Variants in CINP observed in about 807,000 individuals in gnomAD.
CINP encodes the protein cyclin-dependent kinase 2-interacting protein.
A neutral mutation model predicts 20.5 loss-of-function variants in CINP; 11 were observed. That is an observed-to-expected ratio of 0.54 (90% CI 0.34 to 0.89). The LOEUF (loss-of-function observed/expected upper bound fraction) is 0.89, where lower values mean the gene tolerates loss of function less well. CINP is among the 40% of genes least tolerant of loss of function. The pLI, the probability that CINP is intolerant of heterozygous loss-of-function variation, is 0.02. For synonymous variants in CINP, 108 were observed against 102.1 expected (o/e 1.06, Z -0.35); for missense variants, 213 against 251.0 (o/e 0.85, Z 1.02).
At position 102,355,441 on chromosome 14, in the gene CINP, G is replaced by A. The variant is rs1886975594; in HGVS notation, c.306+327C>T. 1.5e-5 allele frequency: 3 copies of A among 195,640 alleles called. 1 individual carries two copies. In the South Asian group the frequency reaches 3.2e-4, roughly 21 times the overall value. The allele number at this position is 195,640 out of a possible 1,614,324, so 12.1% of individuals were successfully genotyped here. ...GAGACAGGAGAATCGCTTGAGCCCA[G>A]GAGGCGGAGTTTGCGGTGAGCCAAG... is the stretch of plus-strand genomic sequence containing the variant. On this transcript the variant is annotated intron_variant, in intron 3 of 4. Transcript: ENST00000216756.
chr14:102,362,609 T>C (rs1887192318), intron 1 of CINP: 2 of 710,180 alleles, frequency 2.8e-6, no homozygotes, highest in Non-Finnish European at 5.2e-6. Context: ...CTCATTTGCG[T>C]ATATCGTCCC....
chr14:102,355,772 C>T lies in CINP; in HGVS notation c.302G>A (p.Gly101Glu). ...LCEELQATLDGLTKIQVKMEK... is the reference protein window; with the variant it reads ...LCEELQATLDELTKIQVKMEK... The stretch of plus-strand genomic sequence containing the variant: ...GCCTGCGTCTTTATGTCTTACCAAC[C>T]CATCCAAGGTGGCCTGCAGTTCCTC... The change falls in exon 3 of 5, where the codon GGG becomes GAG. Residue 101 changes from glycine (G) to glutamate (E), a missense_variant. Gly to Glu is a moderately conservative substitution (Grantham distance 98). Coordinates refer to ENST00000216756, the MANE Select transcript of CINP (RefSeq NM_032630.3). 1.9e-6 allele frequency: 3 copies of T among 1,613,816 alleles called. No homozygotes were observed. The highest frequency in any genetic ancestry group is 2.5e-6 in the Non-Finnish European group (3 of 1,179,848).
chr14:102,360,369 G>A (rs1271229850), intron 1 of CINP, among the ~76,000 whole-genome samples: 3 of 151,902 alleles, frequency 2.0e-5, no homozygotes, highest in African/African-American at 7.3e-5. Context: ...GCCAACTCAG[G>A]TTGTTTGTTC....
intron 1 of CINP, among the ~76,000 whole-genome samples, chr14:102,361,874 G>A (rs192766299): frequency 1.3e-4 from 20 of 152,252 alleles, no homozygotes; most frequent in Admixed American, 6.5e-4. Flanking sequence ...AAGTATTCCT[G>A]GATCCCCCAG....
rs1289001098 is a variant in CINP at position 102,348,715 on chromosome 14, G to A, written c.481C>T (p.Leu161Phe). ...KLLEMYRKEL[L>F]LKRTVAKELA... ...TCCTTGGCCACCGTGCGCTTCAGGAGCAGCTCCTTCCTGTACATCTCCAAG... is the reference window on the plus strand; with the variant it reads ...TCCTTGGCCACCGTGCGCTTCAGGAACAGCTCCTTCCTGTACATCTCCAAG... The change falls in exon 5 of 5, where the codon CTC (leucine) becomes TTC (phenylalanine). Residue 161 changes from leucine to phenylalanine, a missense_variant. Coordinates refer to ENST00000216756, the MANE Select transcript of CINP (RefSeq NM_032630.3). The A allele has an allele frequency of 6.2e-7, 1 of 1,613,944 alleles. No individual in the cohort carries two copies. The highest frequency in any genetic ancestry group is 8.5e-7 in the Non-Finnish European group (1 of 1,179,952).
intron 1 of CINP, among the ~76,000 whole-genome samples, chr14:102,361,672 A>G (rs1396165741): frequency 6.7e-6 from 1 of 150,134 alleles, no homozygotes; most frequent in Non-Finnish European, 1.5e-5. Context: ...AAAACAAAAC[A>G]AAATAAAAAA....
intron 3 of CINP, among the ~76,000 whole-genome samples, chr14:102,353,620 A>G (rs1346687685): frequency 6.6e-6 from 1 of 152,204 alleles, no homozygotes; most frequent in South Asian, 2.1e-4. Context: ...TCTAATTAGG[A>G]GAAAAACATC....
rs145961456 is a variant in CINP at position 102,351,279 on chromosome 14, C to T, written c.307-1231G>A. ...ACGGTCCCTCAGTGTGGACCAGGCT[C>T]TGTCCTAAGCCCTGTAACTGCATGA... On this transcript the variant is annotated intron_variant, in intron 3 of 4. Coordinates refer to ENST00000216756, the MANE Select transcript of CINP (RefSeq NM_032630.3). This position sits in a 1 kb window ranked among gnomAD's most constrained non-coding sequence, Gnocchi z 4.2. 1.5e-3 allele frequency among the ~76,000 whole-genome samples: 235 copies of T among 152,344 alleles called. 1 individual carries two copies. Among genetic ancestry groups the T allele is most frequent in the African/African-American group, 5.1e-3 (214 of 41,580 alleles).
At chr14:102,357,310 A>C (rs796251720) in intron 2 of CINP, among the ~76,000 whole-genome samples, 8 of 139,982 alleles carry the variant, frequency 5.7e-5, no homozygotes, top group African/African-American at 2.1e-4. Flanking sequence ...TGAACCCGGG[A>C]GGCAGAGGTT....
chr14:102,348,897 T>C, intron 4 of CINP, 138 bp from the exon 5 acceptor site: 2 of 707,628 alleles, frequency 2.8e-6, no homozygotes, highest in Non-Finnish European at 4.8e-6. Flanking sequence ...CCCGATGGAG[T>C]TTACTACTCT....
In CINP at chr14:102,349,995, A is replaced by T; in HGVS notation, c.360T>A (p.Cys120Ter). The T allele has an allele frequency of 4.3e-6, 7 of 1,613,996 alleles. No homozygotes were observed. Among genetic ancestry groups the T allele is most frequent in the Non-Finnish European group, 5.1e-6 (6 of 1,179,872 alleles). ...CCCCATAATGGTAGTTTTCTAGTTC[A>T]CAAATTCCCTTGGTAGTTGAAGACA... is the stretch of plus-strand genomic sequence containing the variant. ...EKLSSTTKGICELENYHYGEE... is the reference protein window; with the variant it reads ...EKLSSTTKGI The change falls in exon 4 of 5, where the codon TGT becomes TGA. Residue 120 changes from cysteine (C) to a stop codon, truncating the protein, a stop_gained. Coordinates refer to ENST00000216756, the MANE Select transcript of CINP (RefSeq NM_032630.3). LOFTEE classifies it high-confidence loss of function.
chr14:102,360,840 C>G (rs894335785), intron 1 of CINP, among the ~76,000 whole-genome samples: 1 of 152,178 alleles, frequency 6.6e-6, no homozygotes, highest in Non-Finnish European at 1.5e-5. Flanking sequence ...TTTTTCCTAT[C>G]TGTGTGTGTC....
At chr14:102,353,186 G>A (rs895918911) in intron 3 of CINP, among the ~76,000 whole-genome samples, 4 of 151,260 alleles carry the variant, frequency 2.6e-5, no homozygotes, top group African/African-American at 7.3e-5. Flanking sequence ...AATCTCCCAC[G>A]CAGAATAATT....
At chr14:102,355,727 A>C (rs780869152) in intron 3 of CINP, 41 bp downstream of exon 3, 1 of 1,608,890 alleles carries the variant, frequency 6.2e-7, no homozygotes, top group South Asian at 1.1e-5. Context: ...CATCGGATTC[A>C]GTGACAGTGA....
chr14:102,361,130 G>T (rs900617942), intron 1 of CINP, among the ~76,000 whole-genome samples: 2 of 152,144 alleles, frequency 1.3e-5, no homozygotes, highest in African/African-American at 4.8e-5. Flanking sequence ...CCCTGAGAAG[G>T]TGTCGTTTAG....
At chr14:102,349,097 T>A (rs943760467) in intron 4 of CINP, among the ~76,000 whole-genome samples, 6 of 152,000 alleles carry the variant, frequency 3.9e-5, no homozygotes, top group Non-Finnish European at 8.8e-5. Flanking sequence ...TACTAAAAAA[T>A]ACAAAAACTA....
At chr14:102,350,672 A>G (rs982372006) in intron 3 of CINP, among the ~76,000 whole-genome samples, 1 of 151,846 alleles carries the variant, frequency 6.6e-6, no homozygotes, top group Non-Finnish European at 1.5e-5. Context: ...TGCTGCTTTT[A>G]AGAAGTGAGA....
At chr14:102,359,710 A>T (rs1887095558) in intron 1 of CINP, 123 bp from the exon 2 acceptor site, 2 of 605,088 alleles carry the variant, frequency 3.3e-6, no homozygotes, top group African/African-American at 1.9e-5. Context: ...TGGACAAATA[A>T]ATGTGGAAAC....
rs922265207 is a variant in CINP at position 102,351,870 on chromosome 14, T to TTTTTTG, written c.307-1828_307-1823dup. 3.3e-5 allele frequency among the ~76,000 whole-genome samples: 5 copies of TTTTTTG among 151,980 alleles called. No homozygotes were observed. The highest frequency in any genetic ancestry group is 4.8e-5 in the African/African-American group (2 of 41,392). On this transcript the variant is annotated intron_variant, in intron 3 of 4. Coordinates refer to ENST00000216756, the MANE Select transcript of CINP (RefSeq NM_032630.3). The surrounding 1 kb of genome is among the most constrained non-coding windows in gnomAD (Gnocchi z 4.2). ...GATACCATGCCTTCTGACACCAAGT[T>TTTTTTG]TTTTTGTTTTTGTTTTTGTTTTTGT...
Sources: allele counts gnomAD v4.1 joint callset (sites outside exome capture counted in the v4.1 genomes callset), GRCh38; gene constraint gnomAD v4.1.1; non-coding constraint Gnocchi (gnomAD v3.1); transcripts MANE v1.5; gene names NCBI Gene and HGNC (gene_info 2026-07-23, HGNC 2026-07-21).